AGAP1: variants seen among roughly 807,000 people sequenced by gnomAD.
AGAP1 encodes the protein ArfGAP with GTPase domain, ankyrin repeat and PH domain 1.
Under a neutral mutation model 105.3 loss-of-function variants are expected in AGAP1, and 29 were observed. The observed-to-expected ratio is 0.28, with a 90% CI of 0.21 to 0.38. The LOEUF (loss-of-function observed/expected upper bound fraction) is 0.38. Ranked by LOEUF, AGAP1 falls within the 10% of genes least tolerant of loss-of-function variation. AGAP1 has a pLI of 1.00. For synonymous variants in AGAP1, 509 were observed against 485.9 expected, an observed-to-expected ratio of 1.05 and a Z score of -0.63; for missense variants, 998 against 1,165.1, an observed-to-expected ratio of 0.86 and a Z score of 2.09.
At chr2:236,052,130 C>T in intron 16 of AGAP1, among the ~76,000 whole-genome samples, 1 of 152,010 alleles carries the variant, frequency 6.6e-6, no homozygotes, top group East Asian at 1.9e-4. Flanking sequence ...TGAGGTAATA[C>T]CAAAAAGAAA....
rs1371285872 is a variant in AGAP1, at chr2:235,599,945, C to T, written c.163+105096C>T. Among the ~76,000 whole-genome samples the T allele has an allele frequency of 2.0e-5, 3 of 152,152 alleles. No individual in the cohort carries two copies. The highest frequency in any genetic ancestry group is 6.5e-5 in the Admixed American group (1 of 15,270). On this transcript the variant is annotated intron_variant, in intron 1 of 17. Transcript: ENST00000304032. The surrounding 1 kb of genome is among the most constrained non-coding windows in gnomAD (Gnocchi z 5.3). ...CTCAGGGAAGTGCCTGTGTTCAGGG[C>T]GGAGGTTCCACTGTGATTTGAAAAC...
rs926545682 is a variant in AGAP1, at chr2:235,934,300, C to T, written c.1483+3377C>T. On this transcript the variant is annotated intron_variant, in intron 12 of 17. Coordinates refer to ENST00000304032, the MANE Select transcript of AGAP1 (RefSeq NM_001037131.3). This position sits in a 1 kb window ranked among gnomAD's most constrained non-coding sequence, Gnocchi z 4.9. ...TCCTCACTTCCCAAAGCCTGGTCCACGGACCAAGTGGCATTTGACAGCTCC... is the reference window on the plus strand; with the variant it reads ...TCCTCACTTCCCAAAGCCTGGTCCATGGACCAAGTGGCATTTGACAGCTCC... Among the ~76,000 whole-genome samples, 5 of 152,192 alleles carry T rather than the reference C, an allele frequency of 3.3e-5. No homozygotes were observed. The highest frequency in any genetic ancestry group is 7.2e-5 in the African/African-American group (3 of 41,448).
chr2:235,926,552 T>C (rs2052456148), intron 11 of AGAP1, among the ~76,000 whole-genome samples: 1 of 152,284 alleles, frequency 6.6e-6, no homozygotes, highest in African/African-American at 2.4e-5. Flanking sequence ...TGTGTAATTT[T>C]TTTTAGTCAA....
chr2:235,825,538 A>G (rs1214656119), intron 9 of AGAP1, among the ~76,000 whole-genome samples: 6 of 152,320 alleles, frequency 3.9e-5, no homozygotes, highest in Non-Finnish European at 8.8e-5. Flanking sequence ...GGCAAAAATC[A>G]TGTGCATTAT....
intron 13 of AGAP1, among the ~76,000 whole-genome samples, chr2:236,032,104 CT>C (rs912833366): frequency 2.0e-5 from 3 of 152,210 alleles, no homozygotes; most frequent in Non-Finnish European, 2.9e-5. Context: ...AGATCCTCCT[CT>C]TTTTAGACCT....
chr2:235,604,852 G>A (rs1945870926), intron 1 of AGAP1, among the ~76,000 whole-genome samples: 1 of 151,512 alleles, frequency 6.6e-6, no homozygotes, highest in African/African-American at 2.4e-5. Context: ...AAAGTGCTGG[G>A]ATTACAGGCG....
chr2:235,919,661 G>A lies in AGAP1; in HGVS notation c.1324+10755G>A, dbSNP rs987835489. ...TAAAATTCAGAGATGACCGGGGAACGCTCCCCTCAAAACAGTGTTGTCAAA... is the reference window on the plus strand; with the variant it reads ...TAAAATTCAGAGATGACCGGGGAACACTCCCCTCAAAACAGTGTTGTCAAA... On this transcript the variant is annotated intron_variant, in intron 11 of 17. Transcript: ENST00000304032. The surrounding 1 kb of genome is among the most constrained non-coding windows in gnomAD (Gnocchi z 4.1). 6.6e-5 allele frequency among the ~76,000 whole-genome samples: 10 copies of A among 152,108 alleles called. No individual in the cohort carries two copies. The highest frequency in any genetic ancestry group is 1.9e-4 in the East Asian group (1 of 5,198).
chr2:235,942,671 TA>T (rs79828914), intron 12 of AGAP1, among the ~76,000 whole-genome samples: 53 of 95,222 alleles, frequency 5.6e-4, no homozygotes, highest in East Asian at 5.4e-4. Flanking sequence ...AAACTCTGTC[TA>T]AAAAAAAAAA....
Position 235,589,114 on chromosome 2 carries a change from G to A in AGAP1, c.163+94265G>A, listed in dbSNP as rs921247079. ...GGTCCCTCTTGGGTTCAGCGCTCAG[G>A]GCCTCTGGAAGGTTTCAGGAGCCCC... On this transcript the variant is annotated intron_variant, in intron 1 of 17. Transcript: ENST00000304032. Among the ~76,000 whole-genome samples, 9 of 151,456 alleles carry A rather than the reference G, an allele frequency of 5.9e-5. No individual in the cohort carries two copies. The East Asian group carries it at 7.7e-4, about 13-fold the overall frequency.
chr2:236,040,706 C>T lies in AGAP1; in HGVS notation c.1801-45C>T, dbSNP rs1413740667. On this transcript the variant is annotated intron_variant, in intron 14 of 17. Coordinates refer to ENST00000304032, the MANE Select transcript of AGAP1 (RefSeq NM_001037131.3). The surrounding 1 kb of genome is among the most constrained non-coding windows in gnomAD (Gnocchi z 5.6). ...GATGTTATCAGTGATGTGCGTTTCT[C>T]CCGGGGTGCTTACGCCTTGTATTTG... The T allele has an allele frequency of 3.8e-6, 6 of 1,594,670 alleles. No individual in the cohort carries two copies. Among genetic ancestry groups the T allele is most frequent in the African/African-American group, 2.7e-5 (2 of 74,636 alleles).
chr2:235,653,190 G>T (rs1947654498), intron 1 of AGAP1, among the ~76,000 whole-genome samples: 1 of 152,134 alleles, frequency 6.6e-6, no homozygotes, highest in African/African-American at 2.4e-5. Context: ...TTCCGGCCGG[G>T]CGCAGTGGCT....
Position 236,036,572 on chromosome 2 carries a change from A to G in AGAP1, c.1657A>G (p.Asn553Asp). 4.3e-6 allele frequency: 7 copies of G among 1,614,068 alleles called. No homozygotes were observed. Among genetic ancestry groups the G allele is most frequent in the Non-Finnish European group, 5.9e-6 (7 of 1,179,970 alleles). ...ACTCTGTGTTTCAGAACAAGAAGAA[A>G]ATTTTGAGTTTATCATTGTGTCCCT... ...LSGTAEEQEE[N>D]FEFIIVSLTG... The change falls in exon 14 of 18, where the codon AAT (asparagine) becomes GAT (aspartate). Residue 553 changes from asparagine (N) to aspartate (D), a missense_variant. Asn to Asp is a conservative substitution (Grantham distance 23). Coordinates refer to ENST00000304032, the MANE Select transcript of AGAP1 (RefSeq NM_001037131.3). This position sits in a 1 kb window ranked among gnomAD's most constrained non-coding sequence, Gnocchi z 5.7.
chr2:235,799,818 G>T lies in AGAP1; in HGVS notation c.957+296G>T, dbSNP rs566222904. Among the ~76,000 whole-genome samples, 1 of 152,214 alleles carries T rather than the reference G, an allele frequency of 6.6e-6. No individual in the cohort carries two copies. The highest frequency in any genetic ancestry group is 6.5e-5 in the Admixed American group (1 of 15,296). Reference sequence around the variant, plus strand: ...CTCCAGCTAAAGATGTGTCACAGTGGATACAAGGAGATGACAAAACTCTAA... The same window carrying T: ...CTCCAGCTAAAGATGTGTCACAGTGTATACAAGGAGATGACAAAACTCTAA... On this transcript the variant is annotated intron_variant, in intron 8 of 17. Transcript: ENST00000304032. This position sits in a 1 kb window ranked among gnomAD's most constrained non-coding sequence, Gnocchi z 5.0.
At chr2:235,512,434 C>T (rs1262465911) in intron 1 of AGAP1, among the ~76,000 whole-genome samples, 3 of 152,068 alleles carry the variant, frequency 2.0e-5, no homozygotes, top group South Asian at 2.1e-4. Context: ...CCCATCTCTA[C>T]GAAAAAACAA....
Position 235,716,726 on chromosome 2 carries a change from C to T in AGAP1, c.223-831C>T, listed in dbSNP as rs959245541. Among the ~76,000 whole-genome samples, 3 of 151,998 alleles carry T rather than the reference C, an allele frequency of 2.0e-5. No homozygotes were observed. The highest frequency in any genetic ancestry group is 7.3e-5 in the African/African-American group (3 of 41,370). On this transcript the variant is annotated intron_variant, in intron 2 of 17. Coordinates refer to ENST00000304032, the MANE Select transcript of AGAP1 (RefSeq NM_001037131.3). The surrounding 1 kb of genome is among the most constrained non-coding windows in gnomAD (Gnocchi z 4.0). ...ATGGGGGGTATCCAGCTCCCAAGCA[C>T]AGGGAAAGGGAGGCTCCCTGTAGGA...
intron 1 of AGAP1, among the ~76,000 whole-genome samples, chr2:235,661,663 G>A (rs946408932): frequency 1.3e-5 from 2 of 152,062 alleles, no homozygotes; most frequent in African/African-American, 4.8e-5. Context: ...GCATCTCAGG[G>A]TGGGGTCAGG....
intron 12 of AGAP1, among the ~76,000 whole-genome samples, chr2:235,956,599 G>T (rs2053961538): frequency 6.6e-6 from 1 of 152,242 alleles, no homozygotes; most frequent in South Asian, 2.1e-4. Flanking sequence ...ACCAAGAGGA[G>T]AGAGCAGAGG....
chr2:235,837,289 A>G (rs1285387702), intron 9 of AGAP1, among the ~76,000 whole-genome samples: 1 of 151,704 alleles, frequency 6.6e-6, no homozygotes, highest in Non-Finnish European at 1.5e-5. Context: ...CCAGCCTTCA[A>G]GGGTTTTTTT....
intron 1 of AGAP1, among the ~76,000 whole-genome samples, chr2:235,575,682 G>A (rs564952883): frequency 5.3e-5 from 8 of 152,376 alleles, no homozygotes; most frequent in South Asian, 4.1e-4. Context: ...AAGGGCTGCC[G>A]TAGGGAAAGG....
Sources: gnomAD v4.1 joint callset for allele counts (sites outside exome capture counted in the v4.1 genomes callset) on GRCh38, gnomAD v4.1.1 for gene constraint, Gnocchi (gnomAD v3.1) non-coding constraint, MANE v1.5 for transcripts, NCBI Gene and HGNC (gene_info 2026-07-23, HGNC 2026-07-21) for gene names.